Variants in NAT1 observed in about 807,000 individuals in gnomAD.
The protein encoded by NAT1 is N-acetyltransferase 1, also known as arylamine N-acetyltransferase 1.
For missense variants in NAT1, 400 were observed against 339.2 expected (o/e 1.18, Z -1.41); for synonymous variants, 144 against 122.6 (o/e 1.17, Z -1.16).
chr8:18,219,142 C>G (rs28359519), intron 1 of NAT1, among the ~76,000 whole-genome samples: 88 of 151,534 alleles, frequency 5.8e-4, no homozygotes, highest in African/African-American at 2.0e-3. Context: ...TGGGTTGCCT[C>G]GGGAGGCTGT....
At chr8:18,177,307 C>A (rs774213278) in intron 2 of NAT1, among the ~76,000 whole-genome samples, 2 of 152,010 alleles carry the variant, frequency 1.3e-5, no homozygotes, top group African/African-American at 4.8e-5. Context: ...TTGGAATATA[C>A]AATGAATTAA....
At chr8:18,208,590 C>T (rs1472450195), upstream of NAT1, among the ~76,000 whole-genome samples, 2 of 152,146 alleles carry the variant, frequency 1.3e-5, no homozygotes, top group Admixed American at 6.5e-5. Flanking sequence ...GTACTCATTC[C>T]CCTGCAGGGA....
chr8:18,192,327 A>G (rs1803026034), intron 2 of NAT1, among the ~76,000 whole-genome samples: 1 of 152,234 alleles, frequency 6.6e-6, no homozygotes, highest in Non-Finnish European at 1.5e-5. Context: ...GATCATTAAA[A>G]AGTCAGGAAA....
chr8:18,205,070 T>G (rs977063231), intron 2 of NAT1, among the ~76,000 whole-genome samples: 2 of 152,160 alleles, frequency 1.3e-5, no homozygotes, highest in African/African-American at 4.8e-5. Flanking sequence ...GTCGAGGTAC[T>G]CCCGGACCAT....
rs765390690 is a variant in NAT1 at position 18,222,266 on chromosome 8, T to C, written c.219T>C (p.His73=). Residue 73 remains histidine (H), a synonymous_variant, in exon 3 of 3, where the codon CAT becomes CAC. Transcript: ENST00000307719. ...NRGGWCLQVN[H]LLYWALTTIG... is the part of the protein sequence containing the mutation. ...GTGGATGGTGTCTCCAGGTCAATCATCTTCTGTACTGGGCTCTGACCACTA... is the reference window on the plus strand; with the variant it reads ...GTGGATGGTGTCTCCAGGTCAATCACCTTCTGTACTGGGCTCTGACCACTA... 3.1e-6 allele frequency: 5 copies of C among 1,614,138 alleles called. No homozygotes were observed. The highest frequency in any genetic ancestry group is 4.2e-6 in the Non-Finnish European group (5 of 1,180,012).
intron 2 of NAT1, among the ~76,000 whole-genome samples, chr8:18,180,578 T>A (rs917811908): frequency 6.6e-6 from 1 of 152,120 alleles, no homozygotes; most frequent in African/African-American, 2.4e-5. Flanking sequence ...TAAAATGAGT[T>A]TGAGTTCTAT....
intron 2 of NAT1, among the ~76,000 whole-genome samples, chr8:18,221,568 C>G (rs772128629): frequency 9.9e-5 from 15 of 152,116 alleles, no homozygotes; most frequent in Non-Finnish European, 1.3e-4. Flanking sequence ...GTTAATCAAT[C>G]AATGGATGAG....
At chr8:18,175,698 A>T (rs973646297) in intron 2 of NAT1, among the ~76,000 whole-genome samples, 1 of 152,120 alleles carries the variant, frequency 6.6e-6, no homozygotes, top group African/African-American at 2.4e-5. Flanking sequence ...TCTCTTCAAC[A>T]TACCAACTTC....
chr8:18,217,984 G>T (rs554922318), intron 1 of NAT1, among the ~76,000 whole-genome samples: 61 of 152,278 alleles, frequency 4.0e-4, no homozygotes, highest in African/African-American at 1.4e-3. Context: ...TGGAGTGGCT[G>T]AGAATATTTT....
chr8:18,208,167 T>G (rs1302944213), upstream of NAT1, among the ~76,000 whole-genome samples: 1 of 151,948 alleles, frequency 6.6e-6, no homozygotes, highest in Non-Finnish European at 1.5e-5. Flanking sequence ...AAATAGCTAA[T>G]GCATGATGGG....
At chr8:18,170,800 G>A (rs1366036178) in intron 2 of NAT1, 1 of 152,096 alleles carries the variant, frequency 6.6e-6, no homozygotes. Context: ...GAATTGCTGG[G>A]TGAGCCTCTC....
At chr8:18,213,087 T>C (rs1030820215) in intron 1 of NAT1, among the ~76,000 whole-genome samples, 1 of 149,920 alleles carries the variant, frequency 6.7e-6, no homozygotes, top group African/African-American at 2.4e-5. Flanking sequence ...TTTTTTAATT[T>C]TTTATTAGAG....
At chr8:18,188,570 T>C (rs1802837796) in intron 2 of NAT1, among the ~76,000 whole-genome samples, 1 of 152,180 alleles carries the variant, frequency 6.6e-6, no homozygotes, top group South Asian at 2.1e-4. Context: ...CATTTGATTA[T>C]ACATATCTTT....
chr8:18,190,316 G>A (rs981781646), intron 2 of NAT1, among the ~76,000 whole-genome samples: 1 of 152,174 alleles, frequency 6.6e-6, no homozygotes, highest in Admixed American at 6.6e-5. Flanking sequence ...TGGGCTGTAT[G>A]TCTCATGCAG....
At chr8:18,173,937 C>CT (rs5889776) in intron 2 of NAT1, among the ~76,000 whole-genome samples, 39,405 of 151,924 alleles carry the variant, frequency 0.26, 5,678 homozygotes, top group African/African-American at 0.37. Flanking sequence ...ACAGACTCAC[C>CT]TTCATATCCA....
intron 2 of NAT1, among the ~76,000 whole-genome samples, chr8:18,171,095 G>A (rs936075210): frequency 6.6e-6 from 1 of 152,126 alleles, no homozygotes; most frequent in Non-Finnish European, 1.5e-5. Context: ...GTGCTTGAGA[G>A]AGCATTTGAG....
At chr8:18,192,683 C>G (rs1051248917) in intron 2 of NAT1, among the ~76,000 whole-genome samples, 61 of 152,166 alleles carry the variant, frequency 4.0e-4, no homozygotes, top group African/African-American at 1.3e-3. Context: ...AGTTCATGTC[C>G]TTTGTAGGGA....
chr8:18,192,248 A>G (rs201451632), intron 2 of NAT1, among the ~76,000 whole-genome samples: 1 of 152,250 alleles, frequency 6.6e-6, no homozygotes, highest in African/African-American at 2.4e-5. Context: ...AATGCTCATC[A>G]TCACTGGCCA....
chr8:18,173,424 A>G (rs1385102319), intron 2 of NAT1, among the ~76,000 whole-genome samples: 2 of 152,090 alleles, frequency 1.3e-5, no homozygotes, highest in Non-Finnish European at 2.9e-5. Context: ...AAAACCTCCA[A>G]CATATCACTA....
Sources: allele counts gnomAD v4.1 joint callset (sites outside exome capture counted in the v4.1 genomes callset), GRCh38; gene constraint gnomAD v4.1.1; transcripts MANE v1.5; gene names NCBI Gene and HGNC (gene_info 2026-07-23, HGNC 2026-07-21).